PIK3CA: variants seen among roughly 807,000 people sequenced by gnomAD.
PIK3CA encodes phosphatidylinositol 4,5-bisphosphate 3-kinase catalytic subunit alpha isoform.
A neutral mutation model predicts 138.2 loss-of-function variants in PIK3CA; 27 were observed. The ratio of observed to expected loss-of-function variants is 0.20; its 90% CI spans 0.14 to 0.27. The LOEUF (loss-of-function observed/expected upper bound fraction) is 0.27, where lower values mean the gene tolerates loss of function less well. Among genes scored for constraint, PIK3CA ranks in the 10% least tolerant of loss-of-function variants. The pLI is 1.00. For missense variants in PIK3CA, 544 were observed against 1,277.4 expected (o/e 0.43, Z 8.75); for synonymous variants, 358 against 413.2 (o/e 0.87, Z 1.62).
At chr3:179,218,794 T>C (rs192514101) in intron 10 of PIK3CA, among the ~76,000 whole-genome samples, 1 of 152,186 alleles carries the variant, frequency 6.6e-6, no homozygotes, top group Non-Finnish European at 1.5e-5. Flanking sequence ...GCAGTGCATT[T>C]CTGCAGAAAG....
chr3:179,193,644 A>G (rs80072686), intron 1 of PIK3CA, among the ~76,000 whole-genome samples: 2,405 of 152,344 alleles, frequency 0.016, 94 homozygotes, highest in South Asian at 0.13. Flanking sequence ...GTGCACACGC[A>G]CACACACTCT....
At position 179,224,074 on chromosome 3, in the gene PIK3CA, T is replaced by C. The variant is rs765727782; in HGVS notation, c.2188-7T>C. On this transcript the variant is annotated splice_region_variant and splice_polypyrimidine_tract_variant and intron_variant, in intron 14 of 20. Transcript: ENST00000263967. ...TCTTACTGTGACTATCCTTTTTTTT[T>C]AATCAGGTACAGATGAAGTTTTTAG... 6.7e-7 allele frequency: 1 copy of C among 1,495,030 alleles called. No homozygotes were observed. Among genetic ancestry groups the C allele is most frequent in the African/African-American group, 1.4e-5 (1 of 72,112 alleles). The allele number at this position is 1,495,030 out of a possible 1,614,324, so 92.6% of individuals were successfully genotyped here.
intron 4 of PIK3CA, among the ~76,000 whole-genome samples, chr3:179,202,939 G>GTT (rs372017091): frequency 0.056 from 6,642 of 118,982 alleles, 371 homozygotes; most frequent in African/African-American, 0.12. Flanking sequence ...TGTGATCCTT[G>GTT]TTTTTTTTTT....
intron 5 of PIK3CA, among the ~76,000 whole-genome samples, chr3:179,204,072 C>CGAA (rs1724493122): frequency 6.6e-6 from 1 of 152,152 alleles, no homozygotes. Context: ...CTGGGCCAAC[C>CGAA]TTAAGTGAGG....
At chr3:179,163,783 T>G (rs528758055) in intron 1 of PIK3CA, among the ~76,000 whole-genome samples, 3 of 152,208 alleles carry the variant, frequency 2.0e-5, no homozygotes, top group East Asian at 1.9e-4. Context: ...TAATATGTAG[T>G]GATTTTTTTT....
At chr3:179,206,215 G>A (rs1323925089) in intron 6 of PIK3CA, among the ~76,000 whole-genome samples, 8 of 150,046 alleles carry the variant, frequency 5.3e-5, no homozygotes, top group Admixed American at 6.7e-5. Context: ...ATGCCACTGC[G>A]CCCAGCTTAT....
At chr3:179,152,713 A>G (rs985574908) in intron 1 of PIK3CA, among the ~76,000 whole-genome samples, 12 of 152,166 alleles carry the variant, frequency 7.9e-5, no homozygotes, top group Non-Finnish European at 1.5e-4. Context: ...GACACAGTTT[A>G]TGTAATAAAT....
At chr3:179,228,104 C>G (rs75524423) in intron 17 of PIK3CA, among the ~76,000 whole-genome samples, 4,882 of 152,068 alleles carry the variant, frequency 0.032, 259 homozygotes, top group African/African-American at 0.11. Flanking sequence ...ACAACTGTGA[C>G]AGTATTTGTT....
chr3:179,191,919 T>A lies in PIK3CA; in HGVS notation c.-76-6831T>A, dbSNP rs577932580. Reference sequence around the variant, plus strand: ...TCCCAAAGTGCTAGGATTACAGGCATGAGCCACCACGCCTGGCCTAAAAAC... The same window carrying A: ...TCCCAAAGTGCTAGGATTACAGGCAAGAGCCACCACGCCTGGCCTAAAAAC... On this transcript the variant is annotated intron_variant, in intron 1 of 20. Coordinates refer to ENST00000263967, the MANE Select transcript of PIK3CA (RefSeq NM_006218.4). Among the ~76,000 whole-genome samples, 16 of 152,348 alleles carry A rather than the reference T, an allele frequency of 1.1e-4. No individual in the cohort carries two copies. In the South Asian group the frequency reaches 3.3e-3, roughly 32 times the overall value.
intron 1 of PIK3CA, among the ~76,000 whole-genome samples, chr3:179,185,083 A>C: frequency 6.6e-6 from 1 of 152,036 alleles, no homozygotes; most frequent in East Asian, 1.9e-4. Context: ...GAAGTTATCC[A>C]CTCTCACCCA....
At position 179,219,144 on chromosome 3, in the gene PIK3CA, C is replaced by T. The variant is rs534744018; in HGVS notation, c.1665-52C>T. The T allele has an allele frequency of 8.9e-7, 1 of 1,122,076 alleles. No individual in the cohort carries two copies. The highest frequency in any genetic ancestry group is 1.3e-6 in the Non-Finnish European group (1 of 742,738). 69.5% of individuals were successfully genotyped at this position (1,122,076 alleles called of 1,614,324 possible). ...ATATGGAGAAGTTAGACATGTCAAC[C>T]TTTTGAACAGCATGCAAGAATGTTT... On this transcript the variant is annotated intron_variant, in intron 10 of 20. Transcript: ENST00000263967. This position sits in a 1 kb window ranked among gnomAD's most constrained non-coding sequence, Gnocchi z 4.2.
Position 179,228,664 on chromosome 3 carries a change from A to T in PIK3CA, c.2496-608A>T, listed in dbSNP as rs183771292. Among the ~76,000 whole-genome samples the T allele has an allele frequency of 5.4e-3, 818 of 152,190 alleles. 7 individuals carry two copies. Among genetic ancestry groups the T allele is most frequent in the African/African-American group, 0.018 (762 of 41,574 alleles). On this transcript the variant is annotated intron_variant, in intron 17 of 20. Transcript: ENST00000263967. ...GTACTATGAAGCCAGACATTTAAAA[A>T]TTTTTTTAAATGTGAAAGAATTTCA... is the stretch of plus-strand genomic sequence containing the variant.
intron 1 of PIK3CA, among the ~76,000 whole-genome samples, chr3:179,185,270 A>G (rs73051982): frequency 1.6e-3 from 239 of 152,352 alleles, no homozygotes; most frequent in Middle Eastern, 6.8e-3. Context: ...TCTTGCCTTC[A>G]GCTTCTTACA....
intron 1 of PIK3CA, among the ~76,000 whole-genome samples, chr3:179,166,819 T>TC: frequency 6.6e-6 from 1 of 152,236 alleles, no homozygotes; most frequent in Non-Finnish European, 1.5e-5. Context: ...TTGATGGAAA[T>TC]CAACAACCAG....
chr3:179,201,186 C>A, intron 3 of PIK3CA, 104 bp from the exon 4 acceptor site: 1 of 957,438 alleles, frequency 1.0e-6, no homozygotes, highest in Non-Finnish European at 1.6e-6. Context: ...GATTAAAAAG[C>A]ATTTCTGATA....
chr3:179,176,688 G>A (rs1723705670), intron 1 of PIK3CA, among the ~76,000 whole-genome samples: 1 of 152,052 alleles, frequency 6.6e-6, no homozygotes, highest in East Asian at 1.9e-4. Flanking sequence ...TCCATAAAAT[G>A]CTTTATTATA....
intron 9 of PIK3CA, among the ~76,000 whole-genome samples, chr3:179,212,381 C>T (rs1487572591): frequency 1.4e-5 from 2 of 144,746 alleles, no homozygotes; most frequent in Admixed American, 7.0e-5. Flanking sequence ...GAGGCCGAGG[C>T]GGGTGGATCA....
intron 9 of PIK3CA, among the ~76,000 whole-genome samples, chr3:179,210,786 T>C (rs1724690739): frequency 6.6e-6 from 1 of 152,250 alleles, no homozygotes; most frequent in Non-Finnish European, 1.5e-5. Context: ...CAAATATTTA[T>C]TGAATGCCGA....
intron 6 of PIK3CA, among the ~76,000 whole-genome samples, chr3:179,204,809 C>T (rs540948201): frequency 2.8e-4 from 43 of 151,048 alleles, no homozygotes; most frequent in Non-Finnish European, 6.2e-4. Flanking sequence ...ATCACGAAGT[C>T]GGAGTTTGAG....
Sources: gnomAD v4.1 joint callset for allele counts (sites outside exome capture counted in the v4.1 genomes callset) on GRCh38, gnomAD v4.1.1 for gene constraint, Gnocchi (gnomAD v3.1) non-coding constraint, MANE v1.5 for transcripts, NCBI Gene and HGNC (gene_info 2026-07-23, HGNC 2026-07-21) for gene names.